ANXA8: variants seen among roughly 807,000 people sequenced by gnomAD.
ANXA8 encodes VAC-beta.
A neutral mutation model predicts 26.8 loss-of-function variants in ANXA8; 9 were observed. The ratio of observed to expected loss-of-function variants is 0.34; its 90% CI spans 0.20 to 0.59. ANXA8 has a LOEUF of 0.59. ANXA8 is among the 20% of genes least tolerant of loss of function. The probability of loss-of-function intolerance (pLI) is 0.84; values close to 1 mark genes in which losing one functional copy is unlikely to be tolerated. For synonymous variants in ANXA8, 39 were observed against 94.8 expected, an observed-to-expected ratio of 0.41 and a Z score of 3.42; for missense variants, 83 against 238.5, an observed-to-expected ratio of 0.35 and a Z score of 4.29.
the ANXA8 span, among the ~76,000 whole-genome samples, chr10:47,585,750 T>G: frequency 2.0e-5 from 1 of 51,252 alleles, no homozygotes; most frequent in Non-Finnish European, 3.6e-5. Context: ...TTTTTTTCAT[T>G]CTTTTTCTTT....
At chr10:47,639,919 A>G in the ANXA8 span, among the ~76,000 whole-genome samples, 1 of 145,348 alleles carries the variant, frequency 6.9e-6, no homozygotes, top group Non-Finnish European at 1.5e-5. Context: ...CTGGGACTAC[A>G]GGTGAGCACC....
chr10:47,557,777 TAA>T, the ANXA8 span, among the ~76,000 whole-genome samples: 6 of 137,928 alleles, frequency 4.4e-5, no homozygotes, highest in Admixed American at 7.5e-5. Context: ...TGATTAATTA[TAA>T]AAAAAAAACA....
At chr10:47,510,521 C>T in the ANXA8 span, among the ~76,000 whole-genome samples, 1 of 127,216 alleles carries the variant, frequency 7.9e-6, no homozygotes, top group African/African-American at 3.0e-5. Flanking sequence ...TATGAATTAC[C>T]GTTAAAAATA....
At chr10:47,896,969 C>T in the ANXA8 span, among the ~76,000 whole-genome samples, 2 of 144,462 alleles carry the variant, frequency 1.4e-5, no homozygotes, top group Admixed American at 6.8e-5. Context: ...CTCTCTCTGG[C>T]GCCCAGGCTG....
At chr10:47,671,862 GT>G in the ANXA8 span, among the ~76,000 whole-genome samples, 1 of 151,200 alleles carries the variant, frequency 6.6e-6, no homozygotes, top group Non-Finnish European at 1.5e-5. Flanking sequence ...TTTTTTTAGT[GT>G]TTTGCTTCTT....
chr10:47,693,320 G>T, the ANXA8 span, among the ~76,000 whole-genome samples: 1 of 148,516 alleles, frequency 6.7e-6, no homozygotes, highest in African/African-American at 2.5e-5. Context: ...GACGGAGTCT[G>T]GCTCTGGCAC....
the ANXA8 span, among the ~76,000 whole-genome samples, chr10:47,586,721 T>G: frequency 1.4e-5 from 2 of 145,942 alleles, no homozygotes; most frequent in South Asian, 4.2e-4. Flanking sequence ...AATTCTTTTC[T>G]AAGCCCTACT....
At chr10:47,488,804 T>A (rs1212166563), upstream of ANXA8, among the ~76,000 whole-genome samples, 17 of 129,668 alleles carry the variant, frequency 1.3e-4, no homozygotes, top group Non-Finnish European at 3.1e-5. Flanking sequence ...CTCGGCTCAC[T>A]GCAAGCTCCA....
At chr10:47,988,740 G>A in the ANXA8 span, among the ~76,000 whole-genome samples, 37 of 151,298 alleles carry the variant, frequency 2.4e-4, 2 homozygotes, top group Non-Finnish European at 4.3e-4. Context: ...GCCTAAGGGG[G>A]CCCAGAGAGT....
the ANXA8 span, among the ~76,000 whole-genome samples, chr10:47,664,154 TC>T: frequency 6.6e-6 from 1 of 151,530 alleles, no homozygotes; most frequent in Non-Finnish European, 1.5e-5. Flanking sequence ...AGGCAGCAGA[TC>T]ACCTGAGGTC....
At chr10:47,985,528 G>T in the ANXA8 span, 1 of 98,976 alleles carries the variant, frequency 1.0e-5, no homozygotes. Flanking sequence ...TGCTCTATTC[G>T]TCATGTTTTT....
At chr10:47,653,004 G>A in the ANXA8 span, among the ~76,000 whole-genome samples, 1 of 151,260 alleles carries the variant, frequency 6.6e-6, no homozygotes, top group Non-Finnish European at 1.5e-5. Context: ...GGTGACATTG[G>A]TGAACTTGGT....
At chr10:47,771,989 T>G in the ANXA8 span, among the ~76,000 whole-genome samples, 1 of 151,754 alleles carries the variant, frequency 6.6e-6, no homozygotes, top group Non-Finnish European at 1.5e-5. Context: ...AAGATTTGCT[T>G]TCGTATTTCA....
chr10:47,952,507 T>C, the ANXA8 span, among the ~76,000 whole-genome samples: 1 of 149,440 alleles, frequency 6.7e-6, no homozygotes, highest in Non-Finnish European at 1.5e-5. Flanking sequence ...ATACTGTCTA[T>C]AGTACCATTT....
At chr10:47,618,854 C>G in the ANXA8 span, among the ~76,000 whole-genome samples, 6 of 113,850 alleles carry the variant, frequency 5.3e-5, no homozygotes, top group Non-Finnish European at 3.9e-5. Context: ...ATGACATTTA[C>G]TCTCCATGTG....
At chr10:47,517,317 G>A in the ANXA8 span, among the ~76,000 whole-genome samples, 1 of 83,192 alleles carries the variant, frequency 1.2e-5, no homozygotes, top group Non-Finnish European at 2.2e-5. Flanking sequence ...CTGTCGCCCA[G>A]GCTGGAGTGC....
chr10:47,511,499 T>C, the ANXA8 span, among the ~76,000 whole-genome samples: 1 of 116,908 alleles, frequency 8.6e-6, no homozygotes, highest in African/African-American at 3.3e-5. Flanking sequence ...AAAAAGAGTA[T>C]CACTTAAATA....
the ANXA8 span, among the ~76,000 whole-genome samples, chr10:47,514,488 T>C: frequency 9.4e-6 from 1 of 106,340 alleles, no homozygotes; most frequent in Middle Eastern, 4.2e-3. Context: ...GGGTGAGGGA[T>C]AAAAGACTAC....
At chr10:47,946,044 A>G in the ANXA8 span, among the ~76,000 whole-genome samples, 2 of 145,692 alleles carry the variant, frequency 1.4e-5, no homozygotes, top group East Asian at 2.2e-4. Context: ...ACCTGTGTGC[A>G]CTTTCTCTCT....
Sources: gnomAD v4.1 joint callset for allele counts (sites outside exome capture counted in the v4.1 genomes callset) on GRCh38, gnomAD v4.1.1 for gene constraint, MANE v1.5 for transcripts, NCBI Gene and HGNC (gene_info 2026-07-23, HGNC 2026-07-21) for gene names.